The following ERO1B variants were observed in gnomAD, a reference collection of about 807,000 sequenced individuals.
ERO1B encodes ERO1-like protein beta.
ERO1B carries 49 observed loss-of-function variants against 75.3 expected under a neutral mutation model. The ratio of observed to expected loss-of-function variants is 0.65; its 90% CI spans 0.52 to 0.83. The LOEUF is 0.83. Among genes scored for constraint, ERO1B ranks in the 40% least tolerant of loss-of-function variants. The pLI is 0.00. For missense variants in ERO1B, 512 were observed against 560.1 expected (o/e 0.91, Z 0.87); for synonymous variants, 191 against 192.9 (o/e 0.99, Z 0.08).
At chr1:236,256,259 T>A (rs1665156498) in intron 2 of ERO1B, among the ~76,000 whole-genome samples, 1 of 152,158 alleles carries the variant, frequency 6.6e-6, no homozygotes, top group African/African-American at 2.4e-5. Flanking sequence ...GACCTCTCCA[T>A]GACAAGAAAG....
intron 2 of ERO1B, among the ~76,000 whole-genome samples, chr1:236,257,052 A>G (rs966647288): frequency 2.0e-5 from 3 of 152,224 alleles, no homozygotes; most frequent in Admixed American, 2.0e-4. Flanking sequence ...CAAAGCACAC[A>G]TCTAACATCC....
intron 2 of ERO1B, among the ~76,000 whole-genome samples, chr1:236,265,658 G>T (rs1366341781): frequency 6.6e-6 from 1 of 152,154 alleles, no homozygotes; most frequent in African/African-American, 2.4e-5. Context: ...CCCTTCAGTA[G>T]TTTCTTATCC....
intron 1 of ERO1B, among the ~76,000 whole-genome samples, chr1:236,270,992 A>T (rs763664822): frequency 1.8e-4 from 27 of 152,180 alleles, no homozygotes; most frequent in Non-Finnish European, 3.1e-4. Flanking sequence ...TATGTATGTG[A>T]TAAAATTATA....
In ERO1B at chr1:236,234,297, A is replaced by G. The variant is rs559871479; in HGVS notation, c.674-1458T>C. Among the ~76,000 whole-genome samples, 8 of 152,216 alleles carry G rather than the reference A, an allele frequency of 5.3e-5. No individual in the cohort carries two copies. In the South Asian group the frequency reaches 8.3e-4, roughly 16 times the overall value. ...TTTTCAGCAGTGTTATGTCTCTGATATATCACTAACATGGAAATGAAGTGT... is the reference window on the plus strand; with the variant it reads ...TTTTCAGCAGTGTTATGTCTCTGATGTATCACTAACATGGAAATGAAGTGT... On this transcript the variant is annotated intron_variant, in intron 8 of 15. Transcript: ENST00000354619.
intron 6 of ERO1B, among the ~76,000 whole-genome samples, chr1:236,240,679 A>T (rs1272231790): frequency 1.3e-5 from 2 of 152,224 alleles, no homozygotes; most frequent in Non-Finnish European, 2.9e-5. Context: ...GTATTTACTA[A>T]GCATCTACCA....
At position 236,226,774 on chromosome 1, in the gene ERO1B, T is replaced by TA. The variant is rs1368297219; in HGVS notation, c.713-36dup. 2.0e-6 allele frequency: 3 copies of TA among 1,490,064 alleles called. No individual in the cohort carries two copies. In the African/African-American group the frequency reaches 4.2e-5, roughly 21 times the overall value. 92.3% of individuals were successfully genotyped at this position (1,490,064 alleles called of 1,614,324 possible). A position where few individuals can be genotyped will look rare whatever the true frequency, so the allele number is the denominator to read the frequency against. ...AAAATATTGAAAAAGAAATTACACCTATTTAGATATCAGAAATATTGACTC... is the reference window on the plus strand; with the variant it reads ...AAAATATTGAAAAAGAAATTACACCTAATTTAGATATCAGAAATATTGACTC... On this transcript the variant is annotated intron_variant, in intron 10 of 15. Transcript: ENST00000354619.
chr1:236,241,381 TAAAAATAA>T (rs1009784099), intron 6 of ERO1B, among the ~76,000 whole-genome samples: 12 of 133,988 alleles, frequency 9.0e-5, no homozygotes, highest in African/African-American at 3.2e-4. Flanking sequence ...CTGTCTCTAC[TAAAAATAA>T]AAAAAAAAAT....
chr1:236,272,970 T>G (rs1665630116), intron 1 of ERO1B, among the ~76,000 whole-genome samples: 1 of 152,194 alleles, frequency 6.6e-6, no homozygotes, highest in Admixed American at 6.5e-5. Flanking sequence ...AATTTATCCA[T>G]TCTACTCTTG....
chr1:236,244,740 G>A (rs986027239), intron 5 of ERO1B, among the ~76,000 whole-genome samples: 4 of 152,140 alleles, frequency 2.6e-5, no homozygotes, highest in African/African-American at 9.7e-5. Context: ...CATTGAATGT[G>A]CATCTAATGC....
intron 2 of ERO1B, among the ~76,000 whole-genome samples, chr1:236,268,596 C>T (rs1490791295): frequency 3.3e-5 from 5 of 152,014 alleles, no homozygotes; most frequent in Non-Finnish European, 5.9e-5. Flanking sequence ...CTAAAAAAAG[C>T]AAAAACAAGG....
intron 2 of ERO1B, among the ~76,000 whole-genome samples, chr1:236,265,623 C>A (rs1665417190): frequency 6.6e-6 from 1 of 152,160 alleles, no homozygotes; most frequent in African/African-American, 2.4e-5. Context: ...GTCTTCTACC[C>A]TTACAGTCTT....
At chr1:236,266,200 A>C (rs1308515015) in intron 2 of ERO1B, among the ~76,000 whole-genome samples, 1 of 152,274 alleles carries the variant, frequency 6.6e-6, no homozygotes, top group African/African-American at 2.4e-5. Context: ...AATAAGAAGT[A>C]AAAAAGAGAA....
At chr1:236,269,787 G>A in intron 2 of ERO1B, 88 bp downstream of exon 2, 3 of 1,021,466 alleles carry the variant, frequency 2.9e-6, no homozygotes, top group South Asian at 3.1e-5. Flanking sequence ...ACAAGGTGCT[G>A]AGAGGAACTG....
chr1:236,246,181 T>TC (rs1338902986), intron 5 of ERO1B, among the ~76,000 whole-genome samples: 2 of 152,118 alleles, frequency 1.3e-5, no homozygotes, highest in African/African-American at 4.8e-5. Context: ...TTTTATTTTT[T>TC]CACAGATAGT....
At chr1:236,232,988 A>C (rs375910825) in intron 8 of ERO1B, 149 bp from the exon 9 acceptor site, 3 of 579,846 alleles carry the variant, frequency 5.2e-6, no homozygotes, top group South Asian at 7.3e-5. Flanking sequence ...AGTCCTCTTA[A>C]TCAGAATACA....
Position 236,249,883 on chromosome 1 carries a change from G to T in ERO1B, c.431+2C>A. On this transcript the variant is annotated splice_donor_variant, in intron 5 of 15. Transcript: ENST00000354619. LOFTEE classifies it high-confidence loss of function. Reference sequence around the variant, plus strand: ...TCTTAATATTACCAAAATAAAACTTGCCTTAATGTGCTGTTAATTGCTCCC... The same window carrying T: ...TCTTAATATTACCAAAATAAAACTTTCCTTAATGTGCTGTTAATTGCTCCC... The T allele has an allele frequency of 6.4e-7, 1 of 1,568,176 alleles. No individual in the cohort carries two copies. Among genetic ancestry groups the T allele is most frequent in the Non-Finnish European group, 8.6e-7 (1 of 1,158,010 alleles).
intron 5 of ERO1B, among the ~76,000 whole-genome samples, chr1:236,249,086 T>C (rs1048222492): frequency 6.6e-6 from 1 of 150,596 alleles, no homozygotes; most frequent in African/African-American, 2.4e-5. Flanking sequence ...AGTGCAACGG[T>C]GTGATCTCAG....
intron 6 of ERO1B, among the ~76,000 whole-genome samples, chr1:236,237,436 G>C (rs1664572541): frequency 6.6e-6 from 1 of 152,036 alleles, no homozygotes; most frequent in Non-Finnish European, 1.5e-5. Context: ...TTTTAATTGA[G>C]ATCTCTGAGA....
chr1:236,251,997 T>G, intron 4 of ERO1B, 53 bp downstream of exon 4: 1 of 1,281,232 alleles, frequency 7.8e-7, no homozygotes, highest in Non-Finnish European at 1.1e-6. Flanking sequence ...AGTCAGTAAA[T>G]GGTAAGTTTC....
Sources: allele counts gnomAD v4.1 joint callset (sites outside exome capture counted in the v4.1 genomes callset), GRCh38; gene constraint gnomAD v4.1.1; transcripts MANE v1.5; gene names NCBI Gene and HGNC (gene_info 2026-07-23, HGNC 2026-07-21).